Variants in TMEM164 observed in about 807,000 individuals in gnomAD.
The protein encoded by TMEM164 is RP13-360B22.2.
In TMEM164, 4 loss-of-function variants were observed where a neutral mutation model predicts 18.8. That is an observed-to-expected ratio of 0.21 (90% CI 0.10 to 0.49). The LOEUF (loss-of-function observed/expected upper bound fraction) is 0.49. Among genes scored for constraint, TMEM164 ranks in the 20% least tolerant of loss-of-function variants. The pLI, the probability that TMEM164 is intolerant of heterozygous loss-of-function variation, is 0.98. For missense variants in TMEM164, 108 were observed against 239.9 expected, an observed-to-expected ratio of 0.45 and a Z score of 3.63; for synonymous variants, 86 against 101.7, an observed-to-expected ratio of 0.85 and a Z score of 0.93.
rs1447856679 is a variant in TMEM164, at chrX:110,067,406, A to C, written c.440+10A>C. On this transcript the variant is annotated intron_variant, in intron 3 of 6. Coordinates refer to ENST00000372068, the MANE Select transcript of TMEM164 (RefSeq NM_032227.4). ...CTATCGTCGTCTTCAAGTAAGAGAAAATTGGCTTTTGCTCTGTTGCTCTTC... is the reference window on the plus strand; with the variant it reads ...CTATCGTCGTCTTCAAGTAAGAGAACATTGGCTTTTGCTCTGTTGCTCTTC... The C allele has an allele frequency of 3.3e-6, 4 of 1,208,960 alleles. No homozygotes were observed. Among genetic ancestry groups the C allele is most frequent in the Non-Finnish European group, 1.1e-6 (1 of 893,152 alleles).
intron 5 of TMEM164, among the ~76,000 whole-genome samples, chrX:110,148,913 G>A (rs978270085): frequency 4.5e-5 from 5 of 110,320 alleles, no homozygotes; most frequent in East Asian, 2.8e-4. Context: ...AAACTTTCTC[G>A]CAATCCCATA....
intron 2 of TMEM164, among the ~76,000 whole-genome samples, chrX:110,015,550 A>AGTGTGTGT (rs200228472): frequency 1.3e-4 from 13 of 99,637 alleles, no homozygotes; most frequent in Non-Finnish European, 2.3e-4. Flanking sequence ...CAGGAACTTG[A>AGTGTGTGT]GTGTGTGTGT....
At chrX:110,097,387 A>T (rs2066038801) in intron 3 of TMEM164, among the ~76,000 whole-genome samples, 1 of 112,937 alleles carries the variant, frequency 8.9e-6, no homozygotes, top group Non-Finnish European at 1.9e-5. Context: ...CTTGTGGTAT[A>T]TTCATAAAAG....
intron 3 of TMEM164, among the ~76,000 whole-genome samples, chrX:110,102,356 AT>A (rs1265853650): frequency 2.7e-5 from 3 of 110,444 alleles, no homozygotes; most frequent in East Asian, 5.7e-4. Context: ...TGTTAAAAAA[AT>A]TTTTTTCCTG....
chrX:110,095,263 C>T (rs1351154779), intron 3 of TMEM164, among the ~76,000 whole-genome samples: 1 of 112,118 alleles, frequency 8.9e-6, no homozygotes, highest in Non-Finnish European at 1.9e-5. Context: ...GGATAATATG[C>T]TGCAGAGTGT....
intron 2 of TMEM164, among the ~76,000 whole-genome samples, chrX:110,009,500 TCCA>T (rs35917515): frequency 0.38 from 42,085 of 110,606 alleles, 6,504 homozygotes; most frequent in Non-Finnish European, 0.5. Context: ...TTAATGTTTC[TCCA>T]CCATTAGTGG....
At chrX:110,120,905 A>T (rs915960443) in intron 4 of TMEM164, among the ~76,000 whole-genome samples, 1 of 112,041 alleles carries the variant, frequency 8.9e-6, no homozygotes, top group Non-Finnish European at 1.9e-5. Flanking sequence ...GTGTGCAACC[A>T]GGGCAGCTCT....
At chrX:110,127,370 G>A (rs777031611) in intron 4 of TMEM164, among the ~76,000 whole-genome samples, 1 of 111,137 alleles carries the variant, frequency 9.0e-6, no homozygotes, top group African/African-American at 3.3e-5. Flanking sequence ...AAAATTAGCC[G>A]AGTATGGTGG....
chrX:110,171,349 T>A (rs148832950), intron 5 of TMEM164, 71 bp from the exon 6 acceptor site: 12 of 777,869 alleles, frequency 1.5e-5, no homozygotes, highest in Middle Eastern at 6.8e-4. Context: ...CCTCAGTACC[T>A]GCACCCTCAT....
At chrX:110,079,460 A>G (rs1381903736) in intron 3 of TMEM164, among the ~76,000 whole-genome samples, 1 of 111,864 alleles carries the variant, frequency 8.9e-6, no homozygotes, top group Non-Finnish European at 1.9e-5. Flanking sequence ...AGACATTGCT[A>G]TGATTGTACT....
Position 110,174,171 on chromosome X carries a change from A to T in TMEM164, c.*720A>T, listed in dbSNP as rs1455816123. On this transcript the variant is annotated 3_prime_UTR_variant, in exon 7 of 7. Coordinates refer to ENST00000372068, the MANE Select transcript of TMEM164 (RefSeq NM_032227.4). ...TCCAAAGTGAAGAGGGTCAAGATAT[A>T]TACAGTACTAGGCCAGACCCTGTGT... 1 of 112,238 alleles carries T rather than the reference A, an allele frequency of 8.9e-6. No homozygotes were observed. Among genetic ancestry groups the T allele is most frequent in the Non-Finnish European group, 1.9e-5 (1 of 53,490 alleles). 9.2% of individuals were successfully genotyped at this position (112,238 alleles called of 1,213,427 possible). A position where few individuals can be genotyped will look rare whatever the true frequency, so the allele number is the denominator to read the frequency against.
At chrX:110,038,025 C>G (rs1246899601) in intron 2 of TMEM164, among the ~76,000 whole-genome samples, 1 of 87,410 alleles carries the variant, frequency 1.1e-5, no homozygotes, top group African/African-American at 4.5e-5. Context: ...GAGTCTCGCT[C>G]TGTCGCCCAG....
intron 5 of TMEM164, among the ~76,000 whole-genome samples, chrX:110,147,178 C>G (rs1319463126): frequency 8.9e-6 from 1 of 112,114 alleles, no homozygotes; most frequent in Non-Finnish European, 1.9e-5. Context: ...CCACACTGCT[C>G]TTTTCTTCCT....
At position 110,017,284 on chromosome X, in the gene TMEM164, G is replaced by T. The variant is rs1168888591; in HGVS notation, c.390+13120G>T. ...CCTTCTATCCTTAACCTTCCAGCAT[G>T]AAAGGAACTAGACTTTTCTTCTTGC... On this transcript the variant is annotated intron_variant, in intron 2 of 6. Coordinates refer to ENST00000372068, the MANE Select transcript of TMEM164 (RefSeq NM_032227.4). Among the ~76,000 whole-genome samples the T allele has an allele frequency of 2.7e-5, 3 of 111,793 alleles. No homozygotes were observed. The Admixed American group carries it at 2.8e-4, about 11-fold the overall frequency.
intron 3 of TMEM164, among the ~76,000 whole-genome samples, chrX:110,094,026 G>C (rs2065974775): frequency 9.0e-6 from 1 of 111,380 alleles, no homozygotes; most frequent in Non-Finnish European, 1.9e-5. Flanking sequence ...CTGAGTTCTA[G>C]TTTGATTGCA....
At chrX:110,088,620 G>T (rs192918129) in intron 3 of TMEM164, among the ~76,000 whole-genome samples, 149 of 111,905 alleles carry the variant, frequency 1.3e-3, no homozygotes, top group Non-Finnish European at 2.4e-3. Flanking sequence ...CCACCTTATT[G>T]TCAGGTTCTG....
intron 2 of TMEM164, among the ~76,000 whole-genome samples, chrX:110,013,502 C>T (rs1467596735): frequency 8.9e-6 from 1 of 112,202 alleles, no homozygotes; most frequent in Non-Finnish European, 1.9e-5. Flanking sequence ...ATCTGAGTGG[C>T]TGGTGTGTAC....
intron 2 of TMEM164, among the ~76,000 whole-genome samples, chrX:110,047,022 T>C (rs1371796213): frequency 9.0e-6 from 1 of 111,619 alleles, no homozygotes; most frequent in Non-Finnish European, 1.9e-5. Context: ...CTTGGAAATA[T>C]GAATTTTAAC....
chrX:110,074,648 A>G (rs2065645288), intron 3 of TMEM164, among the ~76,000 whole-genome samples: 1 of 112,115 alleles, frequency 8.9e-6, no homozygotes, highest in African/African-American at 3.2e-5. Context: ...CATGATAGGA[A>G]GGAGTGCAGT....
Sources: gnomAD v4.1 joint callset for allele counts (sites outside exome capture counted in the v4.1 genomes callset) on GRCh38, gnomAD v4.1.1 for gene constraint, MANE v1.5 for transcripts, NCBI Gene and HGNC (gene_info 2026-07-23, HGNC 2026-07-21) for gene names.